MKLN1: variants seen among roughly 807,000 people sequenced by gnomAD.
The protein encoded by MKLN1 is muskelin 1.
Under a neutral mutation model 99.0 loss-of-function variants are expected in MKLN1, and 18 were observed. The observed-to-expected ratio is 0.18, with a 90% CI of 0.13 to 0.27. The LOEUF is 0.27. MKLN1 is among the 10% of genes least tolerant of loss of function. The pLI is 1.00. For synonymous variants in MKLN1, 288 were observed against 293.2 expected, an observed-to-expected ratio of 0.98 and a Z score of 0.18; for missense variants, 621 against 875.9, an observed-to-expected ratio of 0.71 and a Z score of 3.67.
At chr7:131,282,117 A>G (rs967360605) in intron 3 of MKLN1, among the ~76,000 whole-genome samples, 1 of 152,206 alleles carries the variant, frequency 6.6e-6, no homozygotes, top group Non-Finnish European at 1.5e-5. Context: ...TGGGAGGCCA[A>G]GGCGGGTGGA....
chr7:131,111,167 G>T (rs974401149), intron 1 of MKLN1, among the ~76,000 whole-genome samples: 1 of 152,256 alleles, frequency 6.6e-6, no homozygotes. Flanking sequence ...GAGGTAAGGG[G>T]TTGATGGGAT....
chr7:131,334,351 GA>G (rs1447624566), intron 1 of MKLN1, among the ~76,000 whole-genome samples: 6 of 152,198 alleles, frequency 3.9e-5, no homozygotes, highest in Non-Finnish European at 7.4e-5. Context: ...CCCTGTTTGG[GA>G]ACCTTACTGG....
At chr7:131,141,199 T>A (rs1055676100) in intron 1 of MKLN1, among the ~76,000 whole-genome samples, 1 of 152,204 alleles carries the variant, frequency 6.6e-6, no homozygotes, top group Non-Finnish European at 1.5e-5. Context: ...TTGTCTGTCA[T>A]GTATAGATGA....
rs186285367 is a variant in MKLN1 at position 131,253,741 on chromosome 7, G to A, written c.-179+50767G>A. Among the ~76,000 whole-genome samples, 21 of 152,310 alleles carry A rather than the reference G, an allele frequency of 1.4e-4. 1 individual carries two copies. Among genetic ancestry groups the A allele is most frequent in the African/African-American group, 5.1e-4 (21 of 41,564 alleles). ...GAGAGGCCTGAAGCTCTTCCAAAAG[G>A]AACTGGCTTTATTTAGAACAGAGCA... is the stretch of plus-strand genomic sequence containing the variant. On this transcript the variant is annotated intron_variant, in intron 3 of 7. Transcript: ENST00000416992.
intron 8 of MKLN1, among the ~76,000 whole-genome samples, chr7:131,424,221 T>A (rs892458345): frequency 2.6e-5 from 4 of 152,198 alleles, no homozygotes; most frequent in Admixed American, 1.3e-4. Flanking sequence ...AACCTTTTTT[T>A]AAAAAATTTT....
intron 3 of MKLN1, among the ~76,000 whole-genome samples, chr7:131,211,603 T>G (rs1563253844): frequency 1.6e-5 from 1 of 64,262 alleles, no homozygotes; most frequent in Admixed American, 1.5e-4. Context: ...AACCCTTGTG[T>G]TTTTTTTTTT....
chr7:131,272,039 T>C (rs1057511008), intron 3 of MKLN1, among the ~76,000 whole-genome samples: 4 of 152,196 alleles, frequency 2.6e-5, no homozygotes, highest in African/African-American at 4.8e-5. Context: ...TAGTGGAATG[T>C]GAGCAGAAGT....
chr7:131,308,984 GAGCTGGTGTGTCACCAT>G (rs1244652173), intron 3 of MKLN1, among the ~76,000 whole-genome samples: 3 of 152,232 alleles, frequency 2.0e-5, no homozygotes, highest in Admixed American at 2.0e-4. Context: ...TGGGTCACTA[GAGCTGGTGTGTCACCAT>G]AGCTGCTGTT....
intron 1 of MKLN1, among the ~76,000 whole-genome samples, chr7:131,351,319 T>A (rs969615692): frequency 6.6e-6 from 1 of 152,218 alleles, no homozygotes. Flanking sequence ...CATTGATTTG[T>A]TGAAGAAATC....
intron 3 of MKLN1, among the ~76,000 whole-genome samples, chr7:131,247,235 C>CTTTTTTTTTTTTTTTT (rs72068521): frequency 1.2e-3 from 170 of 141,132 alleles, no homozygotes; most frequent in East Asian, 3.7e-3. Flanking sequence ...TTTCTTTTTT[C>CTTTTTTTTTTTTTTTT]TTTTTTTTTT....
chr7:131,354,809 G>A (rs1044148202), intron 1 of MKLN1, among the ~76,000 whole-genome samples: 4 of 151,992 alleles, frequency 2.6e-5, no homozygotes, highest in African/African-American at 9.7e-5. Flanking sequence ...TTTCTAAATG[G>A]CTGTACATCA....
At chr7:131,185,484 G>A (rs896779115) in intron 2 of MKLN1, among the ~76,000 whole-genome samples, 1 of 151,996 alleles carries the variant, frequency 6.6e-6, no homozygotes, top group Non-Finnish European at 1.5e-5. Flanking sequence ...CTACTCGGGA[G>A]GCTGAGGCTG....
chr7:131,242,381 T>A (rs777626081), intron 3 of MKLN1, among the ~76,000 whole-genome samples: 2 of 151,976 alleles, frequency 1.3e-5, no homozygotes, highest in Non-Finnish European at 2.9e-5. Context: ...CAAAAAATTT[T>A]AAAAATTAGC....
rs1303567821 is a variant in MKLN1, at chr7:131,488,900, A to AT, written c.*1178dup. On this transcript the variant is annotated 3_prime_UTR_variant, in exon 18 of 18. Transcript: ENST00000352689. ...GCAGATGGACTTTTCCATGGGTCAA[A>AT]TTTTTTGTGTGAGAGATAGAGGTAC... 6.6e-6 allele frequency: 1 copy of AT among 152,200 alleles called. No homozygotes were observed. The highest frequency in any genetic ancestry group is 2.4e-5 in the African/African-American group (1 of 41,532). The allele number at this position is 152,200 out of a possible 1,614,324, so 9.4% of individuals were successfully genotyped here.
intron 3 of MKLN1, among the ~76,000 whole-genome samples, chr7:131,313,616 C>A (rs1398789008): frequency 6.6e-6 from 1 of 152,126 alleles, no homozygotes; most frequent in Non-Finnish European, 1.5e-5. Flanking sequence ...AGAATTTAAG[C>A]CTTTTCAAGG....
At position 131,390,783 on chromosome 7, in the gene MKLN1, A is replaced by G. The variant is rs775310860; in HGVS notation, c.400+1811A>G. On this transcript the variant is annotated intron_variant, in intron 4 of 17. Coordinates refer to ENST00000352689, the MANE Select transcript of MKLN1 (RefSeq NM_013255.5). ...CTCCAGAACTTATTCTTCCTGCTTG[A>G]CTGAAACTTTTTACCCTTTCACCAA... 5.6e-4 allele frequency among the ~76,000 whole-genome samples: 85 copies of G among 152,130 alleles called. No individual in the cohort carries two copies. In the Middle Eastern group the frequency reaches 0.014, roughly 24 times the overall value.
At chr7:131,414,541 A>G in intron 7 of MKLN1, 104 bp from the exon 8 acceptor site, 3 of 650,084 alleles carry the variant, frequency 4.6e-6, no homozygotes, top group Non-Finnish European at 7.6e-6. Flanking sequence ...TGAAAAAATA[A>G]GGGTGGGTTA....
intron 8 of MKLN1, among the ~76,000 whole-genome samples, chr7:131,417,255 A>G (rs1264730019): frequency 6.6e-6 from 1 of 152,206 alleles, no homozygotes. Flanking sequence ...TTAGAAATAC[A>G]CTTTTAAGCA....
chr7:131,359,816 C>T (rs1026917674), intron 1 of MKLN1, among the ~76,000 whole-genome samples: 22 of 152,044 alleles, frequency 1.4e-4, no homozygotes, highest in African/African-American at 4.1e-4. Flanking sequence ...TCACTGCAAC[C>T]TCTACCTCCC....
Sources: gnomAD v4.1 joint callset for allele counts (sites outside exome capture counted in the v4.1 genomes callset) on GRCh38, gnomAD v4.1.1 for gene constraint, MANE v1.5 for transcripts, NCBI Gene and HGNC (gene_info 2026-07-23, HGNC 2026-07-21) for gene names.